MTFR1: variants seen among roughly 807,000 people sequenced by gnomAD.
MTFR1 encodes the protein chondrocyte protein with a poly-proline region.
MTFR1 carries 28 observed loss-of-function variants against 38.8 expected under a neutral mutation model. That is an observed-to-expected ratio of 0.72 (90% CI 0.53 to 0.99). MTFR1 has a LOEUF of 0.99. Ranked by LOEUF, MTFR1 falls within the 50% of genes least tolerant of loss-of-function variation. The pLI, the probability that MTFR1 is intolerant of heterozygous loss-of-function variation, is 0.00. For missense variants in MTFR1, 358 were observed against 395.5 expected, an observed-to-expected ratio of 0.91 and a Z score of 0.81; for synonymous variants, 145 against 137.0, an observed-to-expected ratio of 1.06 and a Z score of -0.41.
At chr8:65,753,235 G>C (rs115905909) in intron 3 of MTFR1, among the ~76,000 whole-genome samples, 2,378 of 152,246 alleles carry the variant, frequency 0.016, 66 homozygotes, top group African/African-American at 0.053. Context: ...TATTGAATGA[G>C]CTGAATTTTC....
intron 1 of MTFR1, among the ~76,000 whole-genome samples, chr8:65,668,600 G>A (rs1314864300): frequency 7.1e-6 from 1 of 140,516 alleles, no homozygotes; most frequent in Non-Finnish European, 1.5e-5. Context: ...TGCATCCTCC[G>A]CCTACTGGCT....
At chr8:65,667,329 A>C (rs1272052770) in intron 1 of MTFR1, among the ~76,000 whole-genome samples, 1 of 149,354 alleles carries the variant, frequency 6.7e-6, no homozygotes, top group Non-Finnish European at 1.5e-5. Context: ...TTTTCTATAG[A>C]GCCAAATGTG....
At chr8:65,670,867 G>T (rs1051111404) in intron 2 of MTFR1, among the ~76,000 whole-genome samples, 1 of 151,994 alleles carries the variant, frequency 6.6e-6, no homozygotes, top group Non-Finnish European at 1.5e-5. Flanking sequence ...ACCACGGCCA[G>T]CTAATTTTTG....
At position 65,704,755 on chromosome 8, in the gene MTFR1, A is replaced by G. The variant is rs1409443816; in HGVS notation, c.343A>G (p.Ser115Gly). 1 of 1,614,120 alleles carries G rather than the reference A, an allele frequency of 6.2e-7. No homozygotes were observed. Among genetic ancestry groups the G allele is most frequent in the East Asian group, 2.2e-5 (1 of 44,868 alleles). ...CCTTCTTTTCTTTGAGAAGGCCCCA[A>G]GCAGACAGATTTCCTTACCAGACTT... ...DDLLFFEKAP[S>G]RQISLPDLSQ... Residue 115 changes from serine (S) to glycine (G), a missense_variant, in exon 5 of 8, where the codon AGC becomes GGC. Physicochemically the swap from Ser to Gly is moderately conservative, Grantham distance 56. Coordinates refer to ENST00000262146, the MANE Select transcript of MTFR1 (RefSeq NM_014637.4).
At chr8:65,729,416 A>C (rs886923343) in intron 3 of MTFR1, among the ~76,000 whole-genome samples, 2 of 141,522 alleles carry the variant, frequency 1.4e-5, no homozygotes, top group Non-Finnish European at 3.0e-5. Flanking sequence ...AAAATATAGT[A>C]GAAATAGCAG....
At chr8:65,655,970 C>CATATATATATATGTATATATATAT (rs1563432914) in intron 1 of MTFR1, among the ~76,000 whole-genome samples, 7 of 53,616 alleles carry the variant, frequency 1.3e-4, no homozygotes, top group South Asian at 7.0e-4. Context: ...ATATATATAC[C>CATATATATATATGTATATATATAT]ATATATATAT....
At chr8:65,755,968 C>T (rs1808222298) in intron 3 of MTFR1, among the ~76,000 whole-genome samples, 1 of 152,192 alleles carries the variant, frequency 6.6e-6, no homozygotes, top group South Asian at 2.1e-4. Flanking sequence ...ACTCCCTCAA[C>T]TTTTGTTTGT....
chr8:65,719,509 G>A, intron 3 of MTFR1: 1 of 1,550,564 alleles, frequency 6.4e-7, no homozygotes, highest in Non-Finnish European at 8.9e-7. Flanking sequence ...GAGAAAATAG[G>A]AGAAAAAGTT....
intron 2 of MTFR1, among the ~76,000 whole-genome samples, chr8:65,677,537 C>T (rs1212689146): frequency 2.0e-5 from 3 of 151,352 alleles, no homozygotes; most frequent in Non-Finnish European, 4.4e-5. Flanking sequence ...CGTGCACCAC[C>T]ACACCTGGCT....
chr8:65,697,431 T>G (rs1805479924), intron 4 of MTFR1, among the ~76,000 whole-genome samples: 1 of 152,236 alleles, frequency 6.6e-6, no homozygotes, highest in Admixed American at 6.5e-5. Flanking sequence ...TGGCTATTCA[T>G]CTAAATTGTT....
intron 1 of MTFR1, among the ~76,000 whole-genome samples, chr8:65,645,709 T>G (rs925915001): frequency 1.3e-4 from 11 of 84,390 alleles, no homozygotes; most frequent in Non-Finnish European, 2.4e-4. Flanking sequence ...CCCCCCCCTT[T>G]GTAGAGATGG....
chr8:65,674,224 C>T (rs761665836), intron 2 of MTFR1, among the ~76,000 whole-genome samples: 4 of 151,962 alleles, frequency 2.6e-5, no homozygotes, highest in Admixed American at 6.6e-5. Context: ...TGAGCCACTG[C>T]GTCCGTCCTT....
intron 3 of MTFR1, among the ~76,000 whole-genome samples, chr8:65,729,003 T>TAA (rs145357915): frequency 2.7e-5 from 4 of 150,594 alleles, no homozygotes; most frequent in African/African-American, 7.3e-5. Context: ...TTTCTGCTTG[T>TAA]AAAAAAAAAC....
chr8:65,686,579 C>CAAAA (rs757100773), intron 3 of MTFR1, among the ~76,000 whole-genome samples: 1 of 62,388 alleles, frequency 1.6e-5, no homozygotes, highest in Non-Finnish European at 3.0e-5. Flanking sequence ...GACTCCGTCT[C>CAAAA]AAAAAAAAAA....
At chr8:65,671,709 G>A (rs186470387) in intron 2 of MTFR1, among the ~76,000 whole-genome samples, 1 of 152,132 alleles carries the variant, frequency 6.6e-6, no homozygotes, top group African/African-American at 2.4e-5. Context: ...TCTATTTATT[G>A]TAATTTTAGT....
chr8:65,741,978 T>C (rs1440917478), intron 3 of MTFR1, among the ~76,000 whole-genome samples: 1 of 152,158 alleles, frequency 6.6e-6, no homozygotes, highest in Non-Finnish European at 1.5e-5. Flanking sequence ...TCTTAAAGTG[T>C]ACTACCCATA....
rs565136846 is a variant in MTFR1 at position 65,739,406 on chromosome 8, T to C, written c.*48+19925T>C. ...GCCACTAATTTTGGCTGGTTTGTTA[T>C]AGAGCAATAGCTAACCGATATAACT... On this transcript the variant is annotated intron_variant, in intron 3 of 3. Transcript: ENST00000521247. 5.2e-6 allele frequency: 7 copies of C among 1,343,972 alleles called. No homozygotes were observed. The African/African-American group carries it at 7.6e-5, about 15-fold the overall frequency. The allele number at this position is 1,343,972 out of a possible 1,614,324, so 83.3% of individuals were successfully genotyped here.
rs76100380 is a variant in MTFR1, at chr8:65,709,176, G to A, written c.*132G>A. On this transcript the variant is annotated 3_prime_UTR_variant, in exon 8 of 8. Transcript: ENST00000262146. ...TGGTCTTCTTTTCAGGCTAATTAGTGGATTAAGCAATAATGAAAGCACTAA... is the reference window on the plus strand; with the variant it reads ...TGGTCTTCTTTTCAGGCTAATTAGTAGATTAAGCAATAATGAAAGCACTAA... The A allele has an allele frequency of 0.051, 41,166 of 812,256 alleles. 1,281 individuals are homozygous for A. The highest frequency in any genetic ancestry group is 0.062 in the Non-Finnish European group (30,877 of 494,470). 50.3% of individuals were successfully genotyped at this position (812,256 alleles called of 1,614,324 possible). A position where few individuals can be genotyped will look rare whatever the true frequency, so the allele number is the denominator to read the frequency against.
At chr8:65,698,929 A>T (rs902604569) in intron 4 of MTFR1, among the ~76,000 whole-genome samples, 3 of 152,060 alleles carry the variant, frequency 2.0e-5, no homozygotes, top group African/African-American at 7.2e-5. Context: ...GGGTTTCACC[A>T]TGTTGGTCAG....
Sources: allele counts gnomAD v4.1 joint callset (sites outside exome capture counted in the v4.1 genomes callset), GRCh38; gene constraint gnomAD v4.1.1; transcripts MANE v1.5; gene names NCBI Gene and HGNC (gene_info 2026-07-23, HGNC 2026-07-21).